Variants in MOB3B observed in about 807,000 individuals in gnomAD.
MOB3B encodes the protein MOB kinase activator-like 2B.
A neutral mutation model predicts 18.7 loss-of-function variants in MOB3B; 7 were observed. The observed-to-expected ratio is 0.37, with a 90% CI of 0.21 to 0.70. The LOEUF (loss-of-function observed/expected upper bound fraction) is 0.70, where lower values mean the gene tolerates loss of function less well. MOB3B is among the 30% of genes least tolerant of loss of function. The pLI is 0.52. For synonymous variants in MOB3B, 111 were observed against 99.9 expected, an observed-to-expected ratio of 1.11 and a Z score of -0.66; for missense variants, 253 against 281.3, an observed-to-expected ratio of 0.90 and a Z score of 0.72.
chr9:27,481,502 TTTTTTTTTG>T (rs1340690501), intron 1 of MOB3B, among the ~76,000 whole-genome samples: 26,848 of 101,378 alleles, frequency 0.26, 3,027 homozygotes, highest in East Asian at 0.33. Context: ...AGGTAGTTTT[TTTTTTTTTG>T]TTTTTTTTGT....
intron 1 of MOB3B, among the ~76,000 whole-genome samples, chr9:27,459,015 C>T (rs1260252575): frequency 6.6e-6 from 1 of 151,424 alleles, no homozygotes; most frequent in South Asian, 2.1e-4. Context: ...AGGTAGGCCC[C>T]CCCCCATGTT....
intron 2 of MOB3B, among the ~76,000 whole-genome samples, chr9:27,360,061 T>C (rs563656000): frequency 1.3e-5 from 2 of 152,344 alleles, no homozygotes; most frequent in South Asian, 4.1e-4. Context: ...TTCTCATCTG[T>C]AAAAGAGCGG....
chr9:27,407,737 G>T (rs1378688478), intron 2 of MOB3B, among the ~76,000 whole-genome samples: 1 of 152,168 alleles, frequency 6.6e-6, no homozygotes, highest in Non-Finnish European at 1.5e-5. Context: ...GGCTTATGAA[G>T]GAGAGGCTAT....
intron 3 of MOB3B, among the ~76,000 whole-genome samples, chr9:27,337,386 G>A (rs1820879729): frequency 6.6e-6 from 1 of 152,166 alleles, no homozygotes; most frequent in Non-Finnish European, 1.5e-5. Context: ...CCTCTCTCAT[G>A]GCTTTCCCCT....
At chr9:27,437,182 G>C (rs1822517779) in intron 2 of MOB3B, among the ~76,000 whole-genome samples, 1 of 152,124 alleles carries the variant, frequency 6.6e-6, no homozygotes, top group Non-Finnish European at 1.5e-5. Context: ...GTAGTGGGAA[G>C]ATACTGCACT....
intron 2 of MOB3B, among the ~76,000 whole-genome samples, chr9:27,431,881 G>T (rs1822422792): frequency 6.6e-6 from 1 of 152,142 alleles, no homozygotes; most frequent in Non-Finnish European, 1.5e-5. Flanking sequence ...TGATCAACAT[G>T]ACGGATAAAC....
intron 1 of MOB3B, among the ~76,000 whole-genome samples, chr9:27,522,356 C>G (rs1447546927): frequency 6.8e-6 from 1 of 148,096 alleles, no homozygotes; most frequent in African/African-American, 2.5e-5. Flanking sequence ...ATAAAAACCA[C>G]CCATTATTCT....
intron 2 of MOB3B, among the ~76,000 whole-genome samples, chr9:27,386,630 T>G (rs1821653401): frequency 6.6e-6 from 1 of 152,226 alleles, no homozygotes; most frequent in South Asian, 2.1e-4. Context: ...AACAGGGTCA[T>G]GTGGAACACT....
chr9:27,369,575 A>G (rs749673191), intron 2 of MOB3B, among the ~76,000 whole-genome samples: 41 of 152,236 alleles, frequency 2.7e-4, no homozygotes, highest in Admixed American at 1.3e-3. Context: ...ACTGCTTCCA[A>G]GGTGAAATCA....
intron 1 of MOB3B, among the ~76,000 whole-genome samples, chr9:27,458,253 C>G (rs1819218167): frequency 6.6e-6 from 1 of 152,102 alleles, no homozygotes; most frequent in South Asian, 2.1e-4. Flanking sequence ...TGTTTTCCCT[C>G]AGCCAGGAGT....
intron 2 of MOB3B, among the ~76,000 whole-genome samples, chr9:27,453,210 T>C (rs1563872407): frequency 6.6e-6 from 1 of 152,212 alleles, no homozygotes; most frequent in Non-Finnish European, 1.5e-5. Context: ...AACCACCACA[T>C]ACTATTCTTT....
intron 2 of MOB3B, among the ~76,000 whole-genome samples, chr9:27,390,688 G>A (rs768916794): frequency 1.3e-5 from 2 of 152,118 alleles, no homozygotes; most frequent in African/African-American, 2.4e-5. Context: ...GACTAAGGGC[G>A]GAGAACTTAA....
intron 2 of MOB3B, 142 bp from the exon 3 acceptor site, chr9:27,359,378 TGGG>T (rs1344684348): frequency 1.9e-4 from 52 of 275,516 alleles, no homozygotes; most frequent in East Asian, 3.8e-4. Flanking sequence ...TGTGTGTGTG[TGGG>T]GGGGGGGGGT....
chr9:27,333,845 C>A (rs904373919), intron 3 of MOB3B, among the ~76,000 whole-genome samples: 2 of 152,172 alleles, frequency 1.3e-5, no homozygotes, highest in Non-Finnish European at 2.9e-5. Flanking sequence ...GAGGACCCAT[C>A]GCCCCCTGCT....
At chr9:27,373,318 C>T (rs1327477052) in intron 2 of MOB3B, among the ~76,000 whole-genome samples, 1 of 152,212 alleles carries the variant, frequency 6.6e-6, no homozygotes, top group Non-Finnish European at 1.5e-5. Context: ...AGTCAGGAGT[C>T]ATCCTTGCCA....
In MOB3B at chr9:27,442,912, T is replaced by G. The variant is rs577949744; in HGVS notation, c.418+12221A>C. Among the ~76,000 whole-genome samples, 17 of 152,282 alleles carry G rather than the reference T, an allele frequency of 1.1e-4. No homozygotes were observed. The South Asian group carries it at 3.5e-3, about 32-fold the overall frequency. On this transcript the variant is annotated intron_variant, in intron 2 of 3. Transcript: ENST00000262244. ...TAACCACAATGTCTCAAGTAAATAA[T>G]TTTTTCAAAGTAACAGCCCTGTGGG... is the stretch of plus-strand genomic sequence containing the variant.
intron 1 of MOB3B, among the ~76,000 whole-genome samples, chr9:27,496,364 G>A (rs1294109869): frequency 6.6e-6 from 1 of 152,172 alleles, no homozygotes; most frequent in Non-Finnish European, 1.5e-5. Context: ...TTGCCCAAAC[G>A]TGATCTATTT....
chr9:27,424,907 C>T (rs890116833), intron 2 of MOB3B, among the ~76,000 whole-genome samples: 6 of 152,210 alleles, frequency 3.9e-5, no homozygotes, highest in Admixed American at 6.5e-5. Flanking sequence ...TGTCCTCAAC[C>T]TTCCAGGTCT....
intron 1 of MOB3B, among the ~76,000 whole-genome samples, chr9:27,471,290 C>T (rs1385563675): frequency 6.6e-6 from 1 of 152,168 alleles, no homozygotes; most frequent in Admixed American, 6.5e-5. Flanking sequence ...AAGTGGTCAT[C>T]TGAAGAGTTG....
Sources: gnomAD v4.1 joint callset for allele counts (sites outside exome capture counted in the v4.1 genomes callset) on GRCh38, gnomAD v4.1.1 for gene constraint, MANE v1.5 for transcripts, NCBI Gene and HGNC (gene_info 2026-07-23, HGNC 2026-07-21) for gene names.